The following CACNA2D3 variants were observed in gnomAD, a reference collection of about 807,000 sequenced individuals.
The protein encoded by CACNA2D3 is calcium voltage-gated channel auxiliary subunit alpha2delta 3.
Under a neutral mutation model 160.6 loss-of-function variants are expected in CACNA2D3, and 60 were observed. The observed-to-expected ratio is 0.37, with a 90% CI of 0.30 to 0.46. The LOEUF (loss-of-function observed/expected upper bound fraction) is 0.46, where lower values mean the gene tolerates loss of function less well. Ranked by LOEUF, CACNA2D3 falls within the 20% of genes least tolerant of loss-of-function variation. The pLI is 1.00. For synonymous variants in CACNA2D3, 558 were observed against 492.9 expected (o/e 1.13, Z -1.75); for missense variants, 1,205 against 1,365.0 (o/e 0.88, Z 1.85).
chr3:54,667,542 A>T (rs1700089267), intron 11 of CACNA2D3, among the ~76,000 whole-genome samples: 1 of 152,198 alleles, frequency 6.6e-6, no homozygotes, highest in African/African-American at 2.4e-5. Flanking sequence ...GAACCTTGAA[A>T]ACTGATGCAT....
intron 13 of CACNA2D3, among the ~76,000 whole-genome samples, chr3:54,812,660 C>A (rs1310331947): frequency 6.6e-6 from 1 of 152,100 alleles, no homozygotes; most frequent in Non-Finnish European, 1.5e-5. Context: ...ATGGAATGGC[C>A]CATGAGGTCC....
intron 11 of CACNA2D3, among the ~76,000 whole-genome samples, chr3:54,656,085 A>G (rs558549328): frequency 1.4e-4 from 22 of 152,230 alleles, no homozygotes; most frequent in African/African-American, 4.3e-4. Flanking sequence ...AACATTAGCA[A>G]TGGAGAAGAT....
rs75906605 is a variant in CACNA2D3 at position 54,594,052 on chromosome 3, G to C, written c.963+12175G>C. On this transcript the variant is annotated intron_variant, in intron 9 of 37. Coordinates refer to ENST00000474759, the MANE Select transcript of CACNA2D3 (RefSeq NM_018398.3). ...ACTGGGGAACTAACACGATTAGCCA[G>C]TATATGCCAATAAATTGTTTGGGTT... is the stretch of plus-strand genomic sequence containing the variant. Among the ~76,000 whole-genome samples, 1,396 of 152,270 alleles carry C rather than the reference G, an allele frequency of 9.2e-3. 19 individuals are homozygous for C. The highest frequency in any genetic ancestry group is 0.032 in the African/African-American group (1,340 of 41,534).
chr3:54,762,510 C>A (rs954699621), intron 12 of CACNA2D3, among the ~76,000 whole-genome samples: 1 of 152,116 alleles, frequency 6.6e-6, no homozygotes, highest in African/African-American at 2.4e-5. Flanking sequence ...ACTGCCAGGC[C>A]CCAGGGGGGG....
Position 54,723,201 on chromosome 3 carries a change from C to A in CACNA2D3, c.1168-29398C>A, listed in dbSNP as rs190939129. ...TTTGTTTACACTGTGAGTGTAAAAC[C>A]ACCTACTCAAGCCTCAGCAATGGCG... On this transcript the variant is annotated intron_variant, in intron 11 of 37. Coordinates refer to ENST00000474759, the MANE Select transcript of CACNA2D3 (RefSeq NM_018398.3). Among the ~76,000 whole-genome samples, 1,126 of 152,274 alleles carry A rather than the reference C, an allele frequency of 7.4e-3. 15 individuals carry two copies. The highest frequency in any genetic ancestry group is 0.025 in the African/African-American group (1,033 of 41,550).
chr3:54,635,261 G>A (rs781248444), intron 10 of CACNA2D3, among the ~76,000 whole-genome samples: 1 of 151,972 alleles, frequency 6.6e-6, no homozygotes, highest in African/African-American at 2.4e-5. Context: ...GAATTGGGAG[G>A]ACCTAGGGCA....
intron 4 of CACNA2D3, among the ~76,000 whole-genome samples, chr3:54,429,264 A>C (rs749186140): frequency 2.9e-5 from 4 of 139,274 alleles, no homozygotes; most frequent in Non-Finnish European, 6.3e-5. Flanking sequence ...ATTAGCTTTA[A>C]TCAACTAAAA....
At chr3:54,123,648 G>A in intron 2 of CACNA2D3, 54 bp downstream of exon 2, 2 of 1,422,336 alleles carry the variant, frequency 1.4e-6, no homozygotes, top group Non-Finnish European at 2.0e-6. Context: ...AGAAAATGGA[G>A]GCAGATTTAG....
intron 4 of CACNA2D3, among the ~76,000 whole-genome samples, chr3:54,402,123 A>G (rs746292612): frequency 3.3e-5 from 5 of 152,212 alleles, no homozygotes; most frequent in Non-Finnish European, 7.4e-5. Flanking sequence ...CAAAACCTAT[A>G]GCATATATAC....
chr3:55,055,950 A>G lies in CACNA2D3; in HGVS notation c.2988-17495A>G, dbSNP rs113726267. On this transcript the variant is annotated intron_variant, in intron 35 of 37. Transcript: ENST00000474759. ...ACAAAAGCAAAAATAGACAGATGAG[A>G]TTGTGTCAAACTAAAAAGCTTCTTA... 9.2e-3 allele frequency among the ~76,000 whole-genome samples: 1,407 copies of G among 152,264 alleles called. 25 individuals are homozygous for G. The highest frequency in any genetic ancestry group is 0.032 in the African/African-American group (1,330 of 41,554).
rs774975474 is a variant in CACNA2D3 at position 54,764,361 on chromosome 3, CG to C, written c.1380+14del. On this transcript the variant is annotated intron_variant, in intron 13 of 37. Transcript: ENST00000474759. ...TTACATTGACAGCACTGTGAGTCCA[CG>C]GGGCCCTGGGAAAGAGGCTAAGCTT... is the stretch of plus-strand genomic sequence containing the variant. The C allele has an allele frequency of 2.5e-6, 4 of 1,613,336 alleles. No homozygotes were observed. The highest frequency in any genetic ancestry group is 2.2e-5 in the East Asian group (1 of 44,850).
intron 11 of CACNA2D3, among the ~76,000 whole-genome samples, chr3:54,662,318 C>A (rs900132039): frequency 6.6e-6 from 1 of 152,232 alleles, no homozygotes; most frequent in South Asian, 2.1e-4. Context: ...TCCCTGGACT[C>A]GCCTACCTGT....
intron 14 of CACNA2D3, among the ~76,000 whole-genome samples, chr3:54,827,367 G>A (rs767775778): frequency 5.3e-5 from 8 of 152,248 alleles, no homozygotes; most frequent in East Asian, 1.9e-4. Context: ...AAAGGTAGGC[G>A]TGTGGATGGA....
intron 11 of CACNA2D3, among the ~76,000 whole-genome samples, chr3:54,735,369 G>T (rs1193799914): frequency 6.6e-6 from 1 of 152,170 alleles, no homozygotes; most frequent in Non-Finnish European, 1.5e-5. Flanking sequence ...TTGAGCACAG[G>T]ACACATTTTG....
At chr3:54,714,648 C>A (rs1701017819) in intron 11 of CACNA2D3, among the ~76,000 whole-genome samples, 1 of 152,172 alleles carries the variant, frequency 6.6e-6, no homozygotes, top group South Asian at 2.1e-4. Flanking sequence ...AAAAATTTTA[C>A]AATCATAGAC....
At chr3:54,646,096 G>T in intron 11 of CACNA2D3, among the ~76,000 whole-genome samples, 1 of 148,634 alleles carries the variant, frequency 6.7e-6, no homozygotes, top group African/African-American at 2.5e-5. Flanking sequence ...ATCCTGGGTG[G>T]GCAGGTTTTC....
intron 2 of CACNA2D3, among the ~76,000 whole-genome samples, chr3:54,258,245 T>C (rs1702338522): frequency 6.6e-6 from 1 of 152,204 alleles, no homozygotes; most frequent in African/African-American, 2.4e-5. Flanking sequence ...CCTGTGAGAA[T>C]TGATTATGGA....
chr3:54,861,275 G>T (rs1404055328), intron 17 of CACNA2D3, among the ~76,000 whole-genome samples: 1 of 152,124 alleles, frequency 6.6e-6, no homozygotes, highest in Non-Finnish European at 1.5e-5. Context: ...TGAGGGGTTA[G>T]CAGAAATTGA....
intron 14 of CACNA2D3, among the ~76,000 whole-genome samples, chr3:54,826,338 AG>A (rs1376125126): frequency 6.6e-6 from 1 of 152,178 alleles, no homozygotes; most frequent in Non-Finnish European, 1.5e-5. Context: ...GGTAAACTGG[AG>A]CAGTTGTGCA....
Sources: allele counts gnomAD v4.1 joint callset (sites outside exome capture counted in the v4.1 genomes callset), GRCh38; gene constraint gnomAD v4.1.1; transcripts MANE v1.5; gene names NCBI Gene and HGNC (gene_info 2026-07-23, HGNC 2026-07-21).